RNFT2: variants seen among roughly 807,000 people sequenced by gnomAD.
RNFT2 encodes E3 ubiquitin-protein ligase RNFT2.
Under a neutral mutation model 53.0 loss-of-function variants are expected in RNFT2, and 36 were observed. The ratio of observed to expected loss-of-function variants is 0.68; its 90% CI spans 0.52 to 0.90. The LOEUF is 0.90. RNFT2 is among the 40% of genes least tolerant of loss of function. The pLI is 0.00. For synonymous variants in RNFT2, 260 were observed against 253.2 expected (o/e 1.03, Z -0.26); for missense variants, 514 against 585.6 (o/e 0.88, Z 1.26).
intron 2 of RNFT2, 176 bp downstream of exon 2, chr12:116,740,697 CA>C (rs1282930229): frequency 1.5e-6 from 1 of 673,160 alleles, no homozygotes; most frequent in Non-Finnish European, 2.7e-6. Flanking sequence ...AGCATCAACC[CA>C]GAATCCATGT....
chr12:116,769,911 T>C (rs1465902629), intron 6 of RNFT2, among the ~76,000 whole-genome samples: 1 of 152,084 alleles, frequency 6.6e-6, no homozygotes, highest in East Asian at 1.9e-4. Flanking sequence ...GGCAGGATCC[T>C]GTAATCCCAG....
At chr12:116,784,861 A>G (rs1873861852) in intron 7 of RNFT2, among the ~76,000 whole-genome samples, 1 of 151,826 alleles carries the variant, frequency 6.6e-6, no homozygotes, top group Admixed American at 6.6e-5. Flanking sequence ...AACCCCCTCC[A>G]CTTCATTCTT....
At chr12:116,757,413 G>A (rs4468446) in intron 5 of RNFT2, among the ~76,000 whole-genome samples, 136,725 of 151,904 alleles carry the variant, frequency 0.9, 61,967 homozygotes, top group Non-Finnish European at 0.95. Flanking sequence ...GGGTGACCTT[G>A]GAGTGTCAGT....
intron 7 of RNFT2, among the ~76,000 whole-genome samples, chr12:116,789,635 GTGGATGGATGGA>G (rs148322297): frequency 2.4e-4 from 32 of 132,086 alleles, no homozygotes; most frequent in Non-Finnish European, 3.9e-4. Flanking sequence ...TGGGAGGAGA[GTGGATGGATGGA>G]TGGATGGATG....
chr12:116,817,757 C>T (rs1407099530), intron 7 of RNFT2, among the ~76,000 whole-genome samples: 1 of 152,238 alleles, frequency 6.6e-6, no homozygotes, highest in East Asian at 1.9e-4. Context: ...TACACTCAAA[C>T]AAACCTGAGT....
Position 116,852,853 on chromosome 12 carries a change from T to C in RNFT2, c.*3405T>C. On this transcript the variant is annotated 3_prime_UTR_variant, in exon 11 of 11. Transcript: ENST00000257575. ...TATTACCTGCTGGAACCAAGGAAACTAACAATGTAGGTTACTAGTGAATAC... is the reference window on the plus strand; with the variant it reads ...TATTACCTGCTGGAACCAAGGAAACCAACAATGTAGGTTACTAGTGAATAC... The C allele has an allele frequency of 1.3e-6, 1 of 770,390 alleles. No homozygotes were observed. Among genetic ancestry groups the C allele is most frequent in the South Asian group, 1.7e-5 (1 of 58,916 alleles). The allele number at this position is 770,390 out of a possible 1,614,324, so 47.7% of individuals were successfully genotyped here.
At chr12:116,832,140 A>ATATATATATATATAT (rs1555209706) in intron 7 of RNFT2, among the ~76,000 whole-genome samples, 14 of 68,148 alleles carry the variant, frequency 2.1e-4, no homozygotes, top group African/African-American at 7.0e-4. Context: ...CAAAAAAAAA[A>ATATATATATATATAT]AAAAAAAAAT....
chr12:116,747,204 G>A (rs564183672), intron 3 of RNFT2, among the ~76,000 whole-genome samples: 3 of 152,180 alleles, frequency 2.0e-5, no homozygotes, highest in African/African-American at 4.8e-5. Flanking sequence ...CTACAGGTGC[G>A]TGCCACCATG....
chr12:116,808,684 C>A (rs1161389758), intron 7 of RNFT2, among the ~76,000 whole-genome samples: 1 of 152,188 alleles, frequency 6.6e-6, no homozygotes, highest in East Asian at 1.9e-4. Context: ...TGCCACATGG[C>A]CCCCGCAGTT....
At chr12:116,785,636 C>G (rs909798640) in intron 7 of RNFT2, among the ~76,000 whole-genome samples, 5 of 152,150 alleles carry the variant, frequency 3.3e-5, no homozygotes, top group Admixed American at 2.0e-4. Flanking sequence ...TCTGTAAGAC[C>G]CGGCCCAGCA....
At chr12:116,802,537 GAA>G (rs1405343811) in intron 7 of RNFT2, among the ~76,000 whole-genome samples, 1 of 152,150 alleles carries the variant, frequency 6.6e-6, no homozygotes, top group Non-Finnish European at 1.5e-5. Context: ...CGCTAAAACT[GAA>G]GTTAGTGTAA....
intron 7 of RNFT2, among the ~76,000 whole-genome samples, chr12:116,809,656 C>T (rs76613018): frequency 0.018 from 2,736 of 152,178 alleles, 49 homozygotes; most frequent in South Asian, 0.063. Flanking sequence ...TTTTCACAGA[C>T]CGGTAGACCC....
chr12:116,795,182 G>A (rs372810473), intron 7 of RNFT2, among the ~76,000 whole-genome samples: 5 of 152,110 alleles, frequency 3.3e-5, no homozygotes, highest in African/African-American at 1.2e-4. Context: ...AAGACAGGTG[G>A]ATCACCTGGG....
rs2137233133 is a variant in RNFT2 at position 116,851,549 on chromosome 12, G to A, written c.*2101G>A. On this transcript the variant is annotated 3_prime_UTR_variant, in exon 11 of 11. Coordinates refer to ENST00000257575, the MANE Select transcript of RNFT2 (RefSeq NM_001382266.1). ...AGGTCAAGAGTTCAAGACTAGCCTG[G>A]CCAACATGGCAAAACCCCCTCTTTA... 1 of 561,776 alleles carries A rather than the reference G, an allele frequency of 1.8e-6. No homozygotes were observed. Among genetic ancestry groups the A allele is most frequent in the East Asian group, 3.0e-5 (1 of 33,066 alleles). The allele number at this position is 561,776 out of a possible 1,614,324, so 34.8% of individuals were successfully genotyped here.
intron 7 of RNFT2, among the ~76,000 whole-genome samples, chr12:116,790,338 A>C (rs1374798037): frequency 6.6e-6 from 1 of 152,050 alleles, no homozygotes; most frequent in East Asian, 1.9e-4. Context: ...CTGAGGATAC[A>C]TCAGTGAACC....
Position 116,835,929 on chromosome 12 carries a change from C to T in RNFT2, c.1033-31C>T, listed in dbSNP as rs531169932. On this transcript the variant is annotated intron_variant, in intron 8 of 10. Coordinates refer to ENST00000257575, the MANE Select transcript of RNFT2 (RefSeq NM_001382266.1). ...AGGGGTCACGAGTGATCCTTGGGTA[C>T]ATTTCAGCCACCACCCTGCTCTCCT... 293 of 1,613,318 alleles carry T rather than the reference C, an allele frequency of 1.8e-4. 5 individuals carry two copies. The South Asian group carries it at 3.1e-3, about 17-fold the overall frequency.
chr12:116,770,935 A>G lies in RNFT2; in HGVS notation c.728+4021A>G, dbSNP rs1873148045. 3.3e-5 allele frequency among the ~76,000 whole-genome samples: 5 copies of G among 152,092 alleles called. No homozygotes were observed. In the South Asian group the frequency reaches 1.0e-3, roughly 32 times the overall value. On this transcript the variant is annotated intron_variant, in intron 6 of 10. Transcript: ENST00000257575. ...TCCTTAAAGATACTCACTAAAACAG[A>G]GGTTGGCAGACTACAGCCATTCACC... is the stretch of plus-strand genomic sequence containing the variant.
intron 7 of RNFT2, among the ~76,000 whole-genome samples, chr12:116,829,707 G>A (rs1370784730): frequency 7.2e-5 from 11 of 152,184 alleles, no homozygotes; most frequent in Admixed American, 7.2e-4. Context: ...TGATTCTCAT[G>A]TAGCTGGGAT....
At chr12:116,812,708 A>G (rs1875449486) in intron 7 of RNFT2, among the ~76,000 whole-genome samples, 1 of 151,722 alleles carries the variant, frequency 6.6e-6, no homozygotes, top group African/African-American at 2.4e-5. Context: ...TAATTTTTGT[A>G]TTTTTAGTAG....
Sources: allele counts gnomAD v4.1 joint callset (sites outside exome capture counted in the v4.1 genomes callset), GRCh38; gene constraint gnomAD v4.1.1; transcripts MANE v1.5; gene names NCBI Gene and HGNC (gene_info 2026-07-23, HGNC 2026-07-21).